The following PEX13 variants were observed in gnomAD, a reference collection of about 807,000 sequenced individuals.
The protein encoded by PEX13 is peroxisomal biogenesis factor 13.
Under a neutral mutation model 34.5 loss-of-function variants are expected in PEX13, and 28 were observed. The observed-to-expected ratio is 0.81, with a 90% confidence interval of 0.60 to 1.11. The LOEUF (loss-of-function observed/expected upper bound fraction) is 1.11, where lower values mean the gene tolerates loss of function less well. Ranked by LOEUF, PEX13 falls within the 50% of genes most tolerant of loss-of-function variation. The pLI is 0.00. For synonymous variants in PEX13, 177 were observed against 175.1 expected, an observed-to-expected ratio of 1.01 and a Z score of -0.09; for missense variants, 550 against 491.0, an observed-to-expected ratio of 1.12 and a Z score of -1.13.
chr2:61,022,586 A>T (rs141446323), intron 1 of PEX13, among the ~76,000 whole-genome samples: 1 of 152,342 alleles, frequency 6.6e-6, no homozygotes, highest in Admixed American at 6.5e-5. Context: ...ATTCTATTCT[A>T]AACCAGTTGG....
At chr2:61,034,296 C>T (rs1476006477) in intron 2 of PEX13, among the ~76,000 whole-genome samples, 5 of 152,298 alleles carry the variant, frequency 3.3e-5, no homozygotes, top group Admixed American at 1.3e-4. Flanking sequence ...CACACCCAGC[C>T]GACTTAGGTT....
At chr2:61,023,124 C>T (rs1680291556) in intron 1 of PEX13, among the ~76,000 whole-genome samples, 1 of 151,990 alleles carries the variant, frequency 6.6e-6, no homozygotes, top group Non-Finnish European at 1.5e-5. Context: ...CCTGCCTCAG[C>T]CTCCTGAGTA....
Position 61,051,330 on chromosome 2 carries a change from C to G in PEX13, c.*2560C>G, listed in dbSNP as rs1680795802. 6.6e-6 allele frequency: 1 copy of G among 152,210 alleles called. No homozygotes were observed. The highest frequency in any genetic ancestry group is 1.5e-5 in the Non-Finnish European group (1 of 68,028). The allele number at this position is 152,210 out of a possible 1,614,324, so 9.4% of individuals were successfully genotyped here. A position where few individuals can be genotyped will look rare whatever the true frequency, so the allele number is the denominator to read the frequency against. On this transcript the variant is annotated 3_prime_UTR_variant, in exon 4 of 4. Transcript: ENST00000295030. ...ATTATTAAATTTGGGGTTGAGATGT[C>G]TAAATTGAATGCTAGAAGTAAAGTA...
At chr2:61,021,418 T>C (rs1680260385) in intron 1 of PEX13, among the ~76,000 whole-genome samples, 2 of 152,274 alleles carry the variant, frequency 1.3e-5, no homozygotes, top group South Asian at 4.1e-4. Flanking sequence ...TGCTCAGTGC[T>C]AGCACAGCAG....
chr2:61,023,932 G>T (rs896910340), intron 1 of PEX13, among the ~76,000 whole-genome samples: 17 of 151,974 alleles, frequency 1.1e-4, no homozygotes, highest in Non-Finnish European at 2.2e-4. Flanking sequence ...GAGTGGCTGG[G>T]ACCACAGGTA....
chr2:61,032,478 A>G (rs1297534223), intron 2 of PEX13, among the ~76,000 whole-genome samples: 7 of 152,226 alleles, frequency 4.6e-5, no homozygotes, highest in Admixed American at 4.6e-4. Flanking sequence ...GGGGAGAGAC[A>G]TAAGGTTTCT....
At chr2:61,035,399 A>C (rs1680518475) in intron 2 of PEX13, among the ~76,000 whole-genome samples, 1 of 152,152 alleles carries the variant, frequency 6.6e-6, no homozygotes, top group Non-Finnish European at 1.5e-5. Context: ...AAATTCCAAA[A>C]ACCAGAGCGC....
At chr2:61,019,772 G>C (rs1680216445) in intron 1 of PEX13, among the ~76,000 whole-genome samples, 1 of 152,108 alleles carries the variant, frequency 6.6e-6, no homozygotes, top group South Asian at 2.1e-4. Context: ...TATAAGTCTT[G>C]ATATGTAGTA....
At chr2:61,028,578 G>A (rs893148333) in intron 1 of PEX13, among the ~76,000 whole-genome samples, 3 of 151,692 alleles carry the variant, frequency 2.0e-5, no homozygotes, top group African/African-American at 7.3e-5. Context: ...GTAGAGACGG[G>A]GTTTCACCAT....
rs554737021 is a variant in PEX13 at position 61,049,216 on chromosome 2, A to G, written c.*446A>G. ...AGGTAAATTTTTTTTTTTTTTTACA[A>G]CCTTAAGTAATCTCAATAATAAAAT... On this transcript the variant is annotated 3_prime_UTR_variant, in exon 4 of 4. Transcript: ENST00000295030. 48 of 162,640 alleles carry G rather than the reference A, an allele frequency of 3.0e-4. No individual in the cohort carries two copies. The highest frequency in any genetic ancestry group is 4.7e-4 in the Non-Finnish European group (35 of 74,124). 10.1% of individuals were successfully genotyped at this position (162,640 alleles called of 1,614,324 possible). A position where few individuals can be genotyped will look rare whatever the true frequency, so the allele number is the denominator to read the frequency against.
intron 2 of PEX13, among the ~76,000 whole-genome samples, chr2:61,042,058 T>G (rs1680634356): frequency 6.6e-6 from 1 of 152,230 alleles, no homozygotes; most frequent in South Asian, 2.1e-4. Flanking sequence ...TGCTCCTATT[T>G]TTGTACAGCT....
At chr2:61,029,304 G>A (rs538143650) in intron 1 of PEX13, among the ~76,000 whole-genome samples, 32 of 152,064 alleles carry the variant, frequency 2.1e-4, no homozygotes, top group Non-Finnish European at 3.8e-4. Flanking sequence ...ACCACCTCAC[G>A]CCCACTAGGA....
In PEX13 at chr2:61,039,702, A is replaced by T. The variant is rs551187221; in HGVS notation, c.788-6024A>T. On this transcript the variant is annotated intron_variant, in intron 2 of 3. Transcript: ENST00000295030. ...CATGGGCAAAGACTTCATGACTAAA[A>T]CACCAAAAACAATGACAACAAAAGC... 2.7e-3 allele frequency among the ~76,000 whole-genome samples: 415 copies of T among 152,336 alleles called. 1 individual carries two copies. Among genetic ancestry groups the T allele is most frequent in the African/African-American group, 9.8e-3 (407 of 41,574 alleles).
At chr2:61,025,367 T>C (rs35780543) in intron 1 of PEX13, among the ~76,000 whole-genome samples, 22,019 of 150,196 alleles carry the variant, frequency 0.15, 1,911 homozygotes, top group Non-Finnish European at 0.19. Context: ...TCATTATTAT[T>C]ATTATTATTA....
rs571735151 is a variant in PEX13, at chr2:61,032,831, A to G, written c.787+718A>G. ...AACCTTTCAAAAGTTAGATAAAGAA[A>G]CAAAAACTATCAAGCTGATAGACCA... On this transcript the variant is annotated intron_variant, in intron 2 of 3. Transcript: ENST00000295030. Among the ~76,000 whole-genome samples, 37 of 152,336 alleles carry G rather than the reference A, an allele frequency of 2.4e-4. No individual in the cohort carries two copies. In the South Asian group the frequency reaches 6.8e-3, roughly 28 times the overall value.
At chr2:61,043,032 TC>T (rs1680649872) in intron 2 of PEX13, among the ~76,000 whole-genome samples, 1 of 152,178 alleles carries the variant, frequency 6.6e-6, no homozygotes, top group Non-Finnish European at 1.5e-5. Context: ...CCTCTTACTC[TC>T]TCGCATGCAC....
chr2:61,020,577 G>A (rs915889214), intron 1 of PEX13, among the ~76,000 whole-genome samples: 3 of 152,044 alleles, frequency 2.0e-5, no homozygotes, highest in African/African-American at 7.2e-5. Flanking sequence ...TGTGAAGTTT[G>A]CTTTTTGTTT....
At chr2:61,032,490 G>A (rs755770711) in intron 2 of PEX13, among the ~76,000 whole-genome samples, 1 of 152,158 alleles carries the variant, frequency 6.6e-6, no homozygotes, top group Non-Finnish European at 1.5e-5. Context: ...AAGGTTTCTT[G>A]AACCTTTTTT....
intron 1 of PEX13, 169 bp downstream of exon 1, chr2:61,018,020 T>C (rs1680129140): frequency 3.6e-6 from 5 of 1,390,030 alleles, no homozygotes; most frequent in East Asian, 2.5e-5. Flanking sequence ...GTGGGGACTT[T>C]AGTGTCTCAC....
Sources: allele counts gnomAD v4.1 joint callset (sites outside exome capture counted in the v4.1 genomes callset), GRCh38; gene constraint gnomAD v4.1.1; transcripts MANE v1.5; gene names NCBI Gene and HGNC (gene_info 2026-07-23, HGNC 2026-07-21).